The following ZKSCAN2 variants were observed in gnomAD, a reference collection of about 807,000 sequenced individuals.
ZKSCAN2 encodes the protein zinc finger protein with KRAB and SCAN domains 2.
Under a neutral mutation model 90.5 loss-of-function variants are expected in ZKSCAN2, and 38 were observed. The ratio of observed to expected loss-of-function variants is 0.42; its 90% CI spans 0.32 to 0.55. The LOEUF (loss-of-function observed/expected upper bound fraction) is 0.55, where lower values mean the gene tolerates loss of function less well. Among genes scored for constraint, ZKSCAN2 ranks in the 20% least tolerant of loss-of-function variants. ZKSCAN2 has a pLI of 0.11. For synonymous variants in ZKSCAN2, 429 were observed against 421.6 expected (o/e 1.02, Z -0.22); for missense variants, 1,167 against 1,202.6 (o/e 0.97, Z 0.44).
rs1399118635 is a variant in ZKSCAN2, at chr16:25,236,853, G to A, written c.*2963C>T. Reference sequence around the variant, plus strand: ...AAAATGCCTTCGATAAGATGATAGTGAAAAGTTGTCAGTCTATGCTGCTTT... The same window carrying A: ...AAAATGCCTTCGATAAGATGATAGTAAAAAGTTGTCAGTCTATGCTGCTTT... On this transcript the variant is annotated 3_prime_UTR_variant, in exon 7 of 7. Transcript: ENST00000328086. 1 of 152,446 alleles carries A rather than the reference G, an allele frequency of 6.6e-6. No individual in the cohort carries two copies. Among genetic ancestry groups the A allele is most frequent in the Non-Finnish European group, 1.5e-5 (1 of 68,030 alleles). 9.4% of individuals were successfully genotyped at this position (152,446 alleles called of 1,614,324 possible).
Position 25,257,121 on chromosome 16 carries a change from C to G in ZKSCAN2, c.7G>C (p.Val3Leu). ...GCGTCGATCTGAGAGTCGAGGGCGA[C>G]AGCCATGCTGCAGCCCAGGGGTCAA... Reference protein sequence around the residue: MAVALDSQIDAPL... With the variant: MALALDSQIDAPL... The change falls in exon 1 of 7, where the codon GTC becomes CTC. Residue 3 changes from valine (V) to leucine (L), a missense_variant. Physicochemically the swap from Val to Leu is conservative, Grantham distance 32 (BLOSUM62 1). Transcript: ENST00000328086. The G allele has an allele frequency of 6.3e-7, 1 of 1,599,514 alleles. No homozygotes were observed.
Position 25,247,289 on chromosome 16 carries a change from T to C in ZKSCAN2, c.907A>G (p.Ser303Gly). ...ACTGACTTTTCCTTGACGTAGTTGC[T>C]TCGTAGGATACTTCTCTTGTTAGAG... ...HSSNKRSILR[S>G]NYVKEKSVHA... The change falls in exon 5 of 7, where the codon AGC (serine) becomes GGC (glycine). Residue 303 changes from serine to glycine, a missense_variant. Coordinates refer to ENST00000328086, the MANE Select transcript of ZKSCAN2 (RefSeq NM_001012981.5). 1 of 1,614,198 alleles carries C rather than the reference T, an allele frequency of 6.2e-7. No individual in the cohort carries two copies. Among genetic ancestry groups the C allele is most frequent in the Non-Finnish European group, 8.5e-7 (1 of 1,180,040 alleles).
At position 25,247,165 on chromosome 16, in the gene ZKSCAN2, C is replaced by T; in HGVS notation, c.1031G>A (p.Ser344Asn). ...CAGGAAAGTCTTTGTTTCCTCATAG[C>T]TCCAATGCACACCTGCTATCTTTTC... ...EDEKIAGVHWSYEETKTFLAI... is the reference protein window; with the variant it reads ...EDEKIAGVHWNYEETKTFLAI... Residue 344 changes from serine (S) to asparagine (N), a missense_variant, in exon 5 of 7, where the codon AGC becomes AAC. Transcript: ENST00000328086. The T allele has an allele frequency of 6.2e-7, 1 of 1,614,198 alleles. No individual in the cohort carries two copies. Among genetic ancestry groups the T allele is most frequent in the Non-Finnish European group, 8.5e-7 (1 of 1,180,030 alleles).
At chr16:25,242,602 T>C (rs4787309) in intron 6 of ZKSCAN2, among the ~76,000 whole-genome samples, 1 of 152,028 alleles carries the variant, frequency 6.6e-6, no homozygotes, top group African/African-American at 2.4e-5. Flanking sequence ...CATGGAGATA[T>C]GTAGAGCCAA....
At chr16:25,250,758 C>CAT (rs1963009668) in intron 4 of ZKSCAN2, among the ~76,000 whole-genome samples, 1 of 152,000 alleles carries the variant, frequency 6.6e-6, no homozygotes, top group African/African-American at 2.4e-5. Context: ...CATATATATA[C>CAT]ATATATGTAG....
chr16:25,240,860 C>A, intron 6 of ZKSCAN2, 122 bp from the exon 7 acceptor site: 2 of 729,016 alleles, frequency 2.7e-6, no homozygotes, highest in Non-Finnish European at 4.5e-6. Context: ...TCCTGTGACT[C>A]TTCCCTGATT....
Position 25,239,181 on chromosome 16 carries a change from T to G in ZKSCAN2, c.*635A>C, listed in dbSNP as rs749075038. 6.6e-6 allele frequency: 1 copy of G among 151,240 alleles called. No individual in the cohort carries two copies. The highest frequency in any genetic ancestry group is 1.5e-5 in the Non-Finnish European group (1 of 67,940). 9.4% of individuals were successfully genotyped at this position (151,240 alleles called of 1,614,324 possible). On this transcript the variant is annotated 3_prime_UTR_variant, in exon 7 of 7. Coordinates refer to ENST00000328086, the MANE Select transcript of ZKSCAN2 (RefSeq NM_001012981.5). Reference sequence around the variant, plus strand: ...GAGGGGTGATCAATTGCTTCTCACCTCCATGGAGGGCAAGGCATTAGTAAC... The same window carrying G: ...GAGGGGTGATCAATTGCTTCTCACCGCCATGGAGGGCAAGGCATTAGTAAC...
rs772751162 is a variant in ZKSCAN2, at chr16:25,243,812, G to A, written c.1954C>T (p.Pro652Ser). The part of the protein sequence containing the change: ...EIVQEPEFQG[P>S]PGLLQSPNDF... ...TTTGGGCTCTGCAGTAGACCTGGAGGTCCCTGGAACTCTGGCTCTTGCACA... is the reference window on the plus strand; with the variant it reads ...TTTGGGCTCTGCAGTAGACCTGGAGATCCCTGGAACTCTGGCTCTTGCACA... Residue 652 changes from proline to serine, a missense_variant, in exon 6 of 7, where the codon CCT (proline) becomes TCT (serine). Physicochemically the swap from Pro to Ser is moderately conservative, Grantham distance 74 (BLOSUM62 -1). Transcript: ENST00000328086. 16 of 1,613,516 alleles carry A rather than the reference G, an allele frequency of 9.9e-6. No homozygotes were observed.
chr16:25,242,222 G>A (rs985780029), intron 6 of ZKSCAN2, among the ~76,000 whole-genome samples: 2 of 152,158 alleles, frequency 1.3e-5, no homozygotes, highest in African/African-American at 4.8e-5. Flanking sequence ...GCGATTTGGA[G>A]GAAGTCACAA....
chr16:25,256,896 T>C lies in ZKSCAN2; in HGVS notation c.232A>G (p.Met78Val), dbSNP rs376252162. The change falls in exon 1 of 7, where the codon ATG (methionine) becomes GTG (valine). Residue 78 changes from methionine to valine, a missense_variant. By Grantham distance (21) the Met-to-Val change is conservative (BLOSUM62 1). Coordinates refer to ENST00000328086, the MANE Select transcript of ZKSCAN2 (RefSeq NM_001012981.5). ...ELCCRWLKPE[M>V]RSKEQILELL... ...TCAAGTATTTGCTCCTTGGAACGCA[T>C]TTCTGGCTTCAGCCACCGGCAGCAA... The C allele has an allele frequency of 5.0e-6, 8 of 1,614,078 alleles. No individual in the cohort carries two copies. Among genetic ancestry groups the C allele is most frequent in the Non-Finnish European group, 6.8e-6 (8 of 1,180,044 alleles).
Position 25,244,226 on chromosome 16 carries a change from C to T in ZKSCAN2, c.1540G>A (p.Glu514Lys). 1.2e-6 allele frequency: 2 copies of T among 1,614,096 alleles called. No individual in the cohort carries two copies. Among genetic ancestry groups the T allele is most frequent in the South Asian group, 1.1e-5 (1 of 91,080 alleles). The change falls in exon 6 of 7, where the codon GAG becomes AAG. Residue 514 changes from glutamate to lysine, a missense_variant. Physicochemically the swap from Glu to Lys is moderately conservative, Grantham distance 56 (BLOSUM62 1). Coordinates refer to ENST00000328086, the MANE Select transcript of ZKSCAN2 (RefSeq NM_001012981.5). ...TGAAGCGCTTCATAAAACCGAGTCT[C>T]ACGGAGGATATCAAGAAAAGTCTTG... ...ETKTFLDILRETRFYEALQAC... is the reference protein window; with the variant it reads ...ETKTFLDILRKTRFYEALQAC...
rs1313866989 is a variant in ZKSCAN2, at chr16:25,257,150, C to A, written c.-23G>T. On this transcript the variant is annotated 5_prime_UTR_variant, in exon 1 of 7. Transcript: ENST00000328086. Reference sequence around the variant, plus strand: ...CATGCTGCAGCCCAGGGGTCAACTTCACGTCTAGCTCAAGGTGGGGACCCA... The same window carrying A: ...CATGCTGCAGCCCAGGGGTCAACTTAACGTCTAGCTCAAGGTGGGGACCCA... The A allele has an allele frequency of 6.4e-7, 1 of 1,564,428 alleles. No homozygotes were observed. The highest frequency in any genetic ancestry group is 2.3e-5 in the East Asian group (1 of 44,438).
chr16:25,254,956 G>A (rs192914548), intron 2 of ZKSCAN2, among the ~76,000 whole-genome samples: 1,661 of 149,838 alleles, frequency 0.011, 37 homozygotes, highest in African/African-American at 0.039. Flanking sequence ...AACACACCTG[G>A]CTAATATTTT....
At position 25,247,259 on chromosome 16, in the gene ZKSCAN2, C is replaced by G. The variant is rs754122239; in HGVS notation, c.937G>C (p.Ala313Pro). 6 of 1,614,108 alleles carry G rather than the reference C, an allele frequency of 3.7e-6. No homozygotes were observed. Among genetic ancestry groups the G allele is most frequent in the East Asian group, 4.5e-5 (2 of 44,898 alleles). The change falls in exon 5 of 7, where the codon GCT (alanine) becomes CCT (proline). Residue 313 changes from alanine to proline, a missense_variant. Coordinates refer to ENST00000328086, the MANE Select transcript of ZKSCAN2 (RefSeq NM_001012981.5). ...GCACTCCTTGCAGGGACCTGAATAG[C>G]ATGAACTGACTTTTCCTTGACGTAG... Reference protein sequence around the residue: ...SNYVKEKSVHAIQVPARSAGK... With the variant: ...SNYVKEKSVHPIQVPARSAGK...
chr16:25,252,023 C>A lies in ZKSCAN2; in HGVS notation c.691G>T (p.Asp231Tyr). The change falls in exon 4 of 7, where the codon GAT (aspartate) becomes TAT (tyrosine). Residue 231 changes from aspartate (D) to tyrosine (Y), a missense_variant. Coordinates refer to ENST00000328086, the MANE Select transcript of ZKSCAN2 (RefSeq NM_001012981.5). ...GAAAAGCCTCTGGCCACGTGGACAT[C>A]TTTCACTGGTTCCTGTAATGACACT... ...LPAGSQEPVK[D>Y]VHVARGFSYR... 2 of 1,614,090 alleles carry A rather than the reference C, an allele frequency of 1.2e-6. No individual in the cohort carries two copies. Among genetic ancestry groups the A allele is most frequent in the Non-Finnish European group, 1.7e-6 (2 of 1,179,988 alleles).
Position 25,257,535 on chromosome 16 carries a change from C to A in ZKSCAN2, c.-408G>T. 1 of 988,792 alleles carries A rather than the reference C, an allele frequency of 1.0e-6. No individual in the cohort carries two copies. Among genetic ancestry groups the A allele is most frequent in the Non-Finnish European group, 1.2e-6 (1 of 832,372 alleles). The allele number at this position is 988,792 out of a possible 1,614,324, so 61.3% of individuals were successfully genotyped here. A position where few individuals can be genotyped will look rare whatever the true frequency, so the allele number is the denominator to read the frequency against. ...CGGGTCGGGCGCGGAGAGGCGAGTCCCCGAGTGGGTGGGGCCGGATGTGCA... is the reference window on the plus strand; with the variant it reads ...CGGGTCGGGCGCGGAGAGGCGAGTCACCGAGTGGGTGGGGCCGGATGTGCA... On this transcript the variant is annotated 5_prime_UTR_variant, in exon 1 of 7. Transcript: ENST00000328086.
intron 4 of ZKSCAN2, among the ~76,000 whole-genome samples, 176 bp from the exon 5 acceptor site, chr16:25,247,566 C>T (rs144086349): frequency 2.0e-5 from 3 of 152,308 alleles, no homozygotes; most frequent in African/African-American, 2.4e-5. Flanking sequence ...CTAACTTACA[C>T]GATCATTTTA....
chr16:25,253,848 A>G (rs1963057006), intron 2 of ZKSCAN2, among the ~76,000 whole-genome samples: 1 of 152,036 alleles, frequency 6.6e-6, no homozygotes, highest in Non-Finnish European at 1.5e-5. Context: ...TCTCTACTAA[A>G]AATACAAAAA....
rs913418159 is a variant in ZKSCAN2, at chr16:25,243,947, C to G, written c.1819G>C (p.Gly607Arg). The G allele has an allele frequency of 3.5e-5, 56 of 1,614,054 alleles. No individual in the cohort carries two copies. The African/African-American group carries it at 6.8e-4, about 20-fold the overall frequency. The part of the protein sequence containing the change: ...EVPSPSRQER[G>R]GIEVEPQEPT... The stretch of plus-strand genomic sequence containing the variant: ...TCCTGGGGTTCAACCTCAATACCCC[C>G]TCTTTCTTGCCTTGAAGGTGATGGG... Residue 607 changes from glycine to arginine, a missense_variant, in exon 6 of 7, where the codon GGG becomes CGG. Transcript: ENST00000328086.
Sources: allele counts gnomAD v4.1 joint callset (sites outside exome capture counted in the v4.1 genomes callset), GRCh38; gene constraint gnomAD v4.1.1; transcripts MANE v1.5; gene names NCBI Gene and HGNC (gene_info 2026-07-23, HGNC 2026-07-21).